FBXW10B: variants seen among roughly 807,000 people sequenced by gnomAD.
The protein encoded by FBXW10B is F-box and WD repeat domain containing 10B.
At chr17:15,570,081 CTAGCCATT>C in the FBXW10B span, among the ~76,000 whole-genome samples, 7 of 152,146 alleles carry the variant, frequency 4.6e-5, no homozygotes, top group African/African-American at 1.7e-4. Context: ...AGCTTGCATG[CTAGCCATT>C]ATACCTGGCA....
the FBXW10B span, among the ~76,000 whole-genome samples, chr17:15,611,384 T>C: frequency 6.6e-6 from 1 of 152,158 alleles, no homozygotes; most frequent in Admixed American, 6.5e-5. Flanking sequence ...TTGCCAGCAT[T>C]TAATAAAAGC....
chr17:15,613,872 TG>T, the FBXW10B span: 1 of 1,606,314 alleles, frequency 6.2e-7, no homozygotes, highest in South Asian at 1.1e-5. Context: ...AGGTAACGGA[TG>T]AAGTCTCGGT....
At chr17:15,588,819 G>A in the FBXW10B span, 1 of 1,539,284 alleles carries the variant, frequency 6.5e-7, no homozygotes, top group Middle Eastern at 1.7e-4. Flanking sequence ...TTGAGTTGGA[G>A]ATGATCACTC....
chr17:15,567,056 G>A, the FBXW10B span, among the ~76,000 whole-genome samples: 1 of 151,268 alleles, frequency 6.6e-6, no homozygotes, highest in African/African-American at 2.4e-5. Context: ...TGGATCACGA[G>A]GTCAGGCGAT....
the FBXW10B span, among the ~76,000 whole-genome samples, chr17:15,571,083 C>G: frequency 2.9e-4 from 44 of 151,922 alleles, no homozygotes; most frequent in African/African-American, 5.1e-4. Context: ...CAGTGGCTCA[C>G]GCCTGTAATC....
the FBXW10B span, among the ~76,000 whole-genome samples, chr17:15,583,796 G>A: frequency 6.6e-6 from 1 of 152,136 alleles, no homozygotes; most frequent in Non-Finnish European, 1.5e-5. Context: ...TACTTGCTTT[G>A]AGTCTCAGTT....
the FBXW10B span, among the ~76,000 whole-genome samples, chr17:15,578,562 G>A: frequency 6.6e-6 from 1 of 152,160 alleles, no homozygotes. Flanking sequence ...GCTCAATCAG[G>A]AGAAAGGAAA....
chr17:15,606,805 C>T, the FBXW10B span, among the ~76,000 whole-genome samples: 2 of 152,102 alleles, frequency 1.3e-5, no homozygotes, highest in African/African-American at 4.8e-5. Context: ...CTTTGCCTTT[C>T]CCCTATCTTA....
At chr17:15,596,477 G>C in the FBXW10B span, 5 of 1,513,526 alleles carry the variant, frequency 3.3e-6, no homozygotes, top group African/African-American at 7.1e-5. Context: ...CTCCTCCCCA[G>C]TGCCCTTTCC....
chr17:15,616,864 C>A, the FBXW10B span, among the ~76,000 whole-genome samples: 1 of 145,730 alleles, frequency 6.9e-6, no homozygotes, highest in Admixed American at 6.8e-5. Flanking sequence ...TGTAATAGGA[C>A]TTAACACAAC....
chr17:15,590,305 T>C, the FBXW10B span, among the ~76,000 whole-genome samples: 2 of 151,144 alleles, frequency 1.3e-5, no homozygotes, highest in African/African-American at 2.4e-5. Context: ...GGAGTCCTCC[T>C]TCATACAGTG....
chr17:15,574,850 C>T, the FBXW10B span, among the ~76,000 whole-genome samples: 1 of 152,148 alleles, frequency 6.6e-6, no homozygotes, highest in African/African-American at 2.4e-5. Context: ...TCTGGATACT[C>T]ACACTGGTAA....
chr17:15,616,239 G>A, the FBXW10B span, among the ~76,000 whole-genome samples: 245 of 152,014 alleles, frequency 1.6e-3, no homozygotes, highest in Non-Finnish European at 2.8e-3. Flanking sequence ...CAATGGCTCG[G>A]TCTTGGCTCA....
At chr17:15,592,559 A>G in the FBXW10B span, among the ~76,000 whole-genome samples, 8 of 152,134 alleles carry the variant, frequency 5.3e-5, no homozygotes, top group African/African-American at 1.9e-4. Flanking sequence ...CAATGCAGTC[A>G]GTCATGGTAC....
the FBXW10B span, among the ~76,000 whole-genome samples, chr17:15,587,495 T>A: frequency 2.0e-5 from 3 of 151,098 alleles, no homozygotes; most frequent in African/African-American, 7.4e-5. Flanking sequence ...TATAGCAGAG[T>A]GGTAGAGTGG....
At chr17:15,601,371 C>T in the FBXW10B span, among the ~76,000 whole-genome samples, 37 of 143,488 alleles carry the variant, frequency 2.6e-4, no homozygotes, top group South Asian at 8.8e-4. Flanking sequence ...ATCGCACTAC[C>T]GCACTCTAGC....
the FBXW10B span, among the ~76,000 whole-genome samples, chr17:15,586,682 G>A: frequency 4.6e-5 from 7 of 150,902 alleles, 1 homozygote; most frequent in African/African-American, 1.7e-4. Context: ...ATGGAAGAGA[G>A]AAAGGCAAGG....
At chr17:15,612,786 T>C in the FBXW10B span, 17 of 1,613,924 alleles carry the variant, frequency 1.1e-5, no homozygotes, top group East Asian at 2.2e-4. Context: ...AGAAACCTTA[T>C]TGGCATAATT....
chr17:15,613,999 G>C, the FBXW10B span: 8 of 1,607,354 alleles, frequency 5.0e-6, no homozygotes, highest in African/African-American at 1.1e-4. Flanking sequence ...TATTCATTTC[G>C]GATATACACC....
Sources: gnomAD v4.1 joint callset for allele counts (sites outside exome capture counted in the v4.1 genomes callset) on GRCh38, gnomAD v4.1.1 for gene constraint, MANE v1.5 for transcripts, NCBI Gene and HGNC (gene_info 2026-07-23, HGNC 2026-07-21) for gene names.